The following CRY1 variants were observed in gnomAD, a reference collection of about 807,000 sequenced individuals.
CRY1 encodes cryptochrome circadian regulator 1.
A neutral mutation model predicts 76.0 loss-of-function variants in CRY1; 45 were observed. The ratio of observed to expected loss-of-function variants is 0.59; its 90% CI spans 0.47 to 0.76. CRY1 has a LOEUF of 0.76. Ranked by LOEUF, CRY1 falls within the 30% of genes least tolerant of loss-of-function variation. CRY1 has a pLI of 0.00. For synonymous variants in CRY1, 248 were observed against 244.0 expected (o/e 1.02, Z -0.15); for missense variants, 587 against 716.4 (o/e 0.82, Z 2.06).
intron 1 of CRY1, among the ~76,000 whole-genome samples, chr12:107,057,325 T>A (rs933590052): frequency 6.6e-6 from 1 of 152,058 alleles, no homozygotes; most frequent in Non-Finnish European, 1.5e-5. Context: ...TTAATAGGCA[T>A]AAATAATAAT....
Position 106,999,609 on chromosome 12 carries a change from G to C in CRY1, c.1079C>G (p.Ala360Gly). 1 of 1,614,210 alleles carries C rather than the reference G, an allele frequency of 6.2e-7. No homozygotes were observed. Among genetic ancestry groups the C allele is most frequent in the Non-Finnish European group, 8.5e-7 (1 of 1,180,042 alleles). Reference protein sequence around the residue: ...EGWIHHLARHAVACFLTRGDL... With the variant: ...EGWIHHLARHGVACFLTRGDL... ...CCCTCGTGTCAGGAAGCAAGCAACTGCATGCCTGGCTAGATGATGAATCCA... is the reference window on the plus strand; with the variant it reads ...CCCTCGTGTCAGGAAGCAAGCAACTCCATGCCTGGCTAGATGATGAATCCA... The change falls in exon 7 of 13, where the codon GCA (alanine) becomes GGA (glycine). Residue 360 changes from alanine to glycine, a missense_variant. By Grantham distance (60) the Ala-to-Gly change is moderately conservative. Transcript: ENST00000008527.
At chr12:107,032,237 A>T (rs761025572) in intron 1 of CRY1, among the ~76,000 whole-genome samples, 4 of 152,186 alleles carry the variant, frequency 2.6e-5, no homozygotes, top group Non-Finnish European at 5.9e-5. Flanking sequence ...CCCGGCCAGT[A>T]CTATGGTTTC....
At chr12:107,018,740 T>C (rs1952523226) in intron 2 of CRY1, among the ~76,000 whole-genome samples, 1 of 152,196 alleles carries the variant, frequency 6.6e-6, no homozygotes, top group South Asian at 2.1e-4. Flanking sequence ...GAAAGAGCCA[T>C]CTTGTTAGCC....
At chr12:107,081,654 T>A (rs1041828461) in intron 1 of CRY1, among the ~76,000 whole-genome samples, 4 of 152,124 alleles carry the variant, frequency 2.6e-5, no homozygotes, top group Non-Finnish European at 5.9e-5. Flanking sequence ...AGGCAACTTC[T>A]CTTCAGGAAG....
At chr12:107,049,538 C>T (rs1258658851) in intron 1 of CRY1, among the ~76,000 whole-genome samples, 1 of 152,002 alleles carries the variant, frequency 6.6e-6, no homozygotes, top group Non-Finnish European at 1.5e-5. Context: ...CCAAACCTGA[C>T]TAATTTTTGT....
intron 1 of CRY1, among the ~76,000 whole-genome samples, chr12:107,071,711 AT>A (rs1471237968): frequency 3.3e-5 from 5 of 152,232 alleles, no homozygotes; most frequent in African/African-American, 9.6e-5. Flanking sequence ...GAAGAAAAAA[AT>A]AAATATCTAT....
chr12:107,092,360 G>A (rs946800994), intron 1 of CRY1, among the ~76,000 whole-genome samples: 1 of 152,174 alleles, frequency 6.6e-6, no homozygotes, highest in African/African-American at 2.4e-5. Context: ...AAGAACACTG[G>A]ATCTGGAGCC....
intron 1 of CRY1, among the ~76,000 whole-genome samples, chr12:107,065,258 C>T (rs1953096324): frequency 6.6e-6 from 1 of 152,032 alleles, no homozygotes; most frequent in African/African-American, 2.4e-5. Flanking sequence ...CATGCCACTG[C>T]ACTCCAAGCC....
intron 1 of CRY1, among the ~76,000 whole-genome samples, chr12:107,034,265 T>C (rs1413179812): frequency 6.6e-6 from 1 of 152,024 alleles, no homozygotes; most frequent in Admixed American, 6.5e-5. Flanking sequence ...AGTTTACAAA[T>C]GCCAAGACAA....
chr12:106,993,105 C>T (rs1952198154), intron 10 of CRY1, 69 bp from the exon 11 acceptor site: 1 of 1,484,276 alleles, frequency 6.7e-7, no homozygotes, highest in Non-Finnish European at 9.3e-7. Flanking sequence ...ATTAAGTCTA[C>T]AAATCCAACT....
chr12:107,008,755 C>A (rs985126418), intron 2 of CRY1, among the ~76,000 whole-genome samples: 1 of 152,260 alleles, frequency 6.6e-6, no homozygotes, highest in African/African-American at 2.4e-5. Flanking sequence ...GGGAGGGACC[C>A]AGTGGGAGGT....
intron 1 of CRY1, among the ~76,000 whole-genome samples, chr12:107,055,818 C>T (rs1274976135): frequency 6.6e-6 from 1 of 150,986 alleles, no homozygotes; most frequent in Non-Finnish European, 1.5e-5. Context: ...GAGCAAGACC[C>T]TGTCTCAAAA....
chr12:107,068,482 G>C (rs926073004), intron 1 of CRY1, among the ~76,000 whole-genome samples: 1 of 151,870 alleles, frequency 6.6e-6, no homozygotes, highest in Non-Finnish European at 1.5e-5. Flanking sequence ...TTTTTTTGGA[G>C]AGACAGGGTT....
intron 2 of CRY1, among the ~76,000 whole-genome samples, chr12:107,008,390 T>C (rs1371900451): frequency 6.6e-6 from 1 of 152,188 alleles, no homozygotes; most frequent in East Asian, 1.9e-4. Context: ...GCCCCTCTCC[T>C]GGAGCTTATT....
At chr12:107,077,257 T>C (rs1953267957) in intron 1 of CRY1, among the ~76,000 whole-genome samples, 1 of 152,212 alleles carries the variant, frequency 6.6e-6, no homozygotes, top group Non-Finnish European at 1.5e-5. Context: ...TTCACAATTG[T>C]ATTTGCAGAT....
intron 1 of CRY1, among the ~76,000 whole-genome samples, chr12:107,041,510 C>T (rs1952799185): frequency 6.6e-6 from 1 of 152,146 alleles, no homozygotes; most frequent in African/African-American, 2.4e-5. Context: ...GTAATTTATG[C>T]CTTCCTAATC....
At chr12:107,073,593 G>A (rs1953217199) in intron 1 of CRY1, among the ~76,000 whole-genome samples, 2 of 152,046 alleles carry the variant, frequency 1.3e-5, no homozygotes, top group South Asian at 2.1e-4. Context: ...GCTGGGCATG[G>A]TGGTGCATGC....
At chr12:107,021,992 G>T (rs963339270) in intron 2 of CRY1, 92 bp downstream of exon 2, 11 of 941,940 alleles carry the variant, frequency 1.2e-5, no homozygotes, top group African/African-American at 3.4e-5. Context: ...ACTTATATTC[G>T]CTACATTTTC....
chr12:107,044,126 A>C (rs1310872305), intron 1 of CRY1, among the ~76,000 whole-genome samples: 1 of 152,174 alleles, frequency 6.6e-6, no homozygotes, highest in African/African-American at 2.4e-5. Flanking sequence ...CCCAGTTGCC[A>C]AAACAGGGTC....
Sources: allele counts gnomAD v4.1 joint callset (sites outside exome capture counted in the v4.1 genomes callset), GRCh38; gene constraint gnomAD v4.1.1; transcripts MANE v1.5; gene names NCBI Gene and HGNC (gene_info 2026-07-23, HGNC 2026-07-21).